CAMTA1: variants seen among roughly 807,000 people sequenced by gnomAD.
CAMTA1 encodes calmodulin binding transcription activator 1.
Under a neutral mutation model 170.9 loss-of-function variants are expected in CAMTA1, and 27 were observed. The ratio of observed to expected loss-of-function variants is 0.16; its 90% confidence interval spans 0.12 to 0.22. CAMTA1 has a LOEUF of 0.22. Among genes scored for constraint, CAMTA1 ranks in the 10% least tolerant of loss-of-function variants. The pLI is 1.00. For missense variants in CAMTA1, 1,619 were observed against 2,217.2 expected (o/e 0.73, Z 5.42); for synonymous variants, 833 against 891.5 (o/e 0.93, Z 1.17).
intron 6 of CAMTA1, among the ~76,000 whole-genome samples, chr1:7,578,323 G>A (rs1282273992): frequency 2.6e-5 from 4 of 152,176 alleles, no homozygotes; most frequent in African/African-American, 9.7e-5. Flanking sequence ...TCTCCACAAA[G>A]AGAAAGCCGA....
chr1:7,185,089 A>G (rs984007486), intron 4 of CAMTA1, among the ~76,000 whole-genome samples: 1 of 152,232 alleles, frequency 6.6e-6, no homozygotes, highest in Non-Finnish European at 1.5e-5. Flanking sequence ...GAAGGGAGTT[A>G]CACATATGGA....
intron 6 of CAMTA1, among the ~76,000 whole-genome samples, chr1:7,469,567 C>G (rs894127558): frequency 2.6e-5 from 4 of 152,202 alleles, no homozygotes; most frequent in African/African-American, 4.8e-5. Flanking sequence ...GGTTTCATGC[C>G]CCCTGGTCAG....
intron 7 of CAMTA1, among the ~76,000 whole-genome samples, chr1:7,648,875 C>A (rs1415952952): frequency 6.6e-6 from 1 of 152,174 alleles, no homozygotes; most frequent in African/African-American, 2.4e-5. Flanking sequence ...CAGGACCATA[C>A]TTTTTAAGGA....
At chr1:7,380,372 T>C (rs1335198700) in intron 5 of CAMTA1, among the ~76,000 whole-genome samples, 1 of 152,050 alleles carries the variant, frequency 6.6e-6, no homozygotes, top group Non-Finnish European at 1.5e-5. Flanking sequence ...GTCGGGAGTT[T>C]GAGACCAGCC....
At chr1:7,373,289 C>T (rs2086614567) in intron 5 of CAMTA1, among the ~76,000 whole-genome samples, 2 of 152,232 alleles carry the variant, frequency 1.3e-5, no homozygotes, top group Admixed American at 1.3e-4. Context: ...TGCTAAATGT[C>T]GCTGGAGCTG....
intron 6 of CAMTA1, among the ~76,000 whole-genome samples, chr1:7,557,706 G>T (rs775591032): frequency 6.6e-6 from 1 of 152,204 alleles, no homozygotes; most frequent in African/African-American, 2.4e-5. Context: ...CCTACCGTGT[G>T]CCAGGCTCTG....
At chr1:7,275,934 C>T (rs565409950) in intron 5 of CAMTA1, among the ~76,000 whole-genome samples, 22 of 151,962 alleles carry the variant, frequency 1.4e-4, no homozygotes, top group East Asian at 3.9e-4. Flanking sequence ...CAGGTAAAGA[C>T]GTTACAAGAA....
intron 3 of CAMTA1, among the ~76,000 whole-genome samples, chr1:7,049,560 G>C (rs554583390): frequency 6.6e-6 from 1 of 152,070 alleles, no homozygotes; most frequent in Non-Finnish European, 1.5e-5. Flanking sequence ...GGGTGCAAGC[G>C]ATTCTTCTGA....
At chr1:7,503,898 A>T (rs1159220690) in intron 6 of CAMTA1, among the ~76,000 whole-genome samples, 1 of 152,078 alleles carries the variant, frequency 6.6e-6, no homozygotes, top group Non-Finnish European at 1.5e-5. Flanking sequence ...CTTGTGTCCC[A>T]GGGGACAGAA....
rs143847688 is a variant in CAMTA1, at chr1:7,585,846, C to G, written c.511-54554C>G. ...GGGGCCTTAGTAGACTCAGCCCCCA[C>G]CTCCCCTGCCTCCCACCTCCCCTCT... On this transcript the variant is annotated intron_variant, in intron 6 of 22. Coordinates refer to ENST00000303635, the MANE Select transcript of CAMTA1 (RefSeq NM_015215.4). The surrounding 1 kb of genome is among the most constrained non-coding windows in gnomAD (Gnocchi z 4.8). Among the ~76,000 whole-genome samples the G allele has an allele frequency of 1.0e-3, 159 of 151,996 alleles. No individual in the cohort carries two copies. The highest frequency in any genetic ancestry group is 3.8e-3 in the African/African-American group (155 of 41,332).
chr1:7,650,521 A>G (rs914512944), intron 7 of CAMTA1, among the ~76,000 whole-genome samples: 2 of 151,958 alleles, frequency 1.3e-5, no homozygotes, highest in Non-Finnish European at 2.9e-5. Context: ...AGTCTGCTGG[A>G]CCCTCCACCC....
At chr1:7,430,379 C>A (rs2859319) in intron 5 of CAMTA1, among the ~76,000 whole-genome samples, 151,986 of 152,004 alleles carry the variant, frequency 1, 75,984 homozygotes, top group Middle Eastern at 1. Flanking sequence ...TGATGGTGAC[C>A]ATGGTGGTGA....
intron 1 of CAMTA1, among the ~76,000 whole-genome samples, chr1:6,790,304 G>T (rs953087235): frequency 1.3e-5 from 2 of 151,944 alleles, no homozygotes; most frequent in African/African-American, 4.8e-5. Flanking sequence ...GAGGGTGGGA[G>T]GGTGGACTGG....
chr1:7,239,635 ATTTTTTT>A (rs34166595), intron 4 of CAMTA1, among the ~76,000 whole-genome samples: 62 of 103,954 alleles, frequency 6.0e-4, no homozygotes, highest in Non-Finnish European at 7.4e-4. Context: ...TTCAAGGTCA[ATTTTTTT>A]TTTTTTTTTT....
chr1:7,311,096 T>C (rs1035010126), intron 5 of CAMTA1, among the ~76,000 whole-genome samples: 1 of 152,234 alleles, frequency 6.6e-6, no homozygotes, highest in Non-Finnish European at 1.5e-5. Flanking sequence ...TATGGATTGC[T>C]TAGATTTATC....
At chr1:7,171,092 G>A (rs1649504491) in intron 4 of CAMTA1, among the ~76,000 whole-genome samples, 2 of 152,110 alleles carry the variant, frequency 1.3e-5, no homozygotes, top group South Asian at 4.1e-4. Context: ...AGTTTCTCCT[G>A]GTCTTCCCTT....
chr1:7,302,552 G>T (rs952955669), intron 5 of CAMTA1, among the ~76,000 whole-genome samples: 4 of 152,190 alleles, frequency 2.6e-5, no homozygotes, highest in Admixed American at 1.3e-4. Flanking sequence ...TTATAAATAT[G>T]CAATGCTGCG....
At chr1:6,815,846 C>T (rs779464371) in intron 1 of CAMTA1, among the ~76,000 whole-genome samples, 10 of 152,100 alleles carry the variant, frequency 6.6e-5, no homozygotes, top group Non-Finnish European at 1.5e-4. Flanking sequence ...TCAGAACTTG[C>T]ATTGAAAGAA....
chr1:6,938,082 G>C (rs1037735532), intron 3 of CAMTA1, among the ~76,000 whole-genome samples: 1 of 152,206 alleles, frequency 6.6e-6, no homozygotes, highest in African/African-American at 2.4e-5. Context: ...GCCAGGACTT[G>C]GAGTCCACTC....
Sources: gnomAD v4.1 joint callset for allele counts (sites outside exome capture counted in the v4.1 genomes callset) on GRCh38, gnomAD v4.1.1 for gene constraint, Gnocchi (gnomAD v3.1) non-coding constraint, MANE v1.5 for transcripts, NCBI Gene and HGNC (gene_info 2026-07-23, HGNC 2026-07-21) for gene names.